NIBAN2: variants seen among roughly 807,000 people sequenced by gnomAD.
NIBAN2 encodes the protein protein Niban 2.
NIBAN2 carries 36 observed loss-of-function variants against 81.8 expected under a neutral mutation model. That is an observed-to-expected ratio of 0.44 (90% CI 0.34 to 0.58). The LOEUF is 0.58. Ranked by LOEUF, NIBAN2 falls within the 20% of genes least tolerant of loss-of-function variation. The pLI is 0.02. For synonymous variants in NIBAN2, 445 were observed against 441.6 expected, an observed-to-expected ratio of 1.01 and a Z score of -0.10; for missense variants, 897 against 1,014.1, an observed-to-expected ratio of 0.88 and a Z score of 1.57.
upstream of NIBAN2, chr9:127,569,180 C>A (rs1350792732): frequency 6.7e-5 from 47 of 703,918 alleles, no homozygotes; most frequent in Non-Finnish European, 8.0e-5. Flanking sequence ...GCCCTGCGCC[C>A]GCCGCGTCCC....
intron 1 of NIBAN2, among the ~76,000 whole-genome samples, chr9:127,554,602 C>T (rs1043343225): frequency 2.8e-5 from 4 of 142,890 alleles, no homozygotes; most frequent in African/African-American, 7.9e-5. Flanking sequence ...GCTCTGTCAC[C>T]CAGGCTGGAG....
intron 8 of NIBAN2, among the ~76,000 whole-genome samples, chr9:127,510,687 G>A (rs373349181): frequency 1.3e-5 from 2 of 151,866 alleles, no homozygotes; most frequent in Non-Finnish European, 2.9e-5. Context: ...CACCCGCCTC[G>A]GCCTCCCAAA....
At chr9:127,546,744 G>A (rs945661469) in intron 1 of NIBAN2, among the ~76,000 whole-genome samples, 2 of 152,152 alleles carry the variant, frequency 1.3e-5, no homozygotes, top group Non-Finnish European at 2.9e-5. Flanking sequence ...AAGGGTTTAT[G>A]TTGCTCTCAC....
chr9:127,578,611 TG>T (rs1362884718), intron 1 of NIBAN2, among the ~76,000 whole-genome samples: 32 of 149,414 alleles, frequency 2.1e-4, no homozygotes, highest in African/African-American at 7.4e-4. Context: ...GCAGTGAGAG[TG>T]AGGCGAGATC....
intron 5 of NIBAN2, among the ~76,000 whole-genome samples, chr9:127,519,000 C>G (rs1182910559): frequency 1.3e-5 from 2 of 151,936 alleles, no homozygotes; most frequent in Non-Finnish European, 2.9e-5. Flanking sequence ...CATGGCAAAA[C>G]CCCATCTCTA....
chr9:127,524,820 C>T (rs1258452810), intron 4 of NIBAN2: 11 of 432,262 alleles, frequency 2.5e-5, no homozygotes, highest in African/African-American at 6.0e-5. Context: ...TAACTCCTGA[C>T]GAACACAGTG....
chr9:127,524,605 C>T (rs1211203549), intron 4 of NIBAN2, among the ~76,000 whole-genome samples: 4 of 152,002 alleles, frequency 2.6e-5, no homozygotes, highest in Non-Finnish European at 5.9e-5. Context: ...GAATGCCGCT[C>T]GAATCCAGGA....
chr9:127,549,160 C>T (rs1588178745), intron 1 of NIBAN2, among the ~76,000 whole-genome samples: 1 of 152,182 alleles, frequency 6.6e-6, no homozygotes, highest in East Asian at 1.9e-4. Context: ...TCACCATGGC[C>T]CAACCCCAAT....
upstream of NIBAN2, among the ~76,000 whole-genome samples, chr9:127,572,902 G>C (rs978741209): frequency 2.6e-5 from 4 of 151,944 alleles, no homozygotes; most frequent in Non-Finnish European, 5.9e-5. Context: ...AAAAAAATTA[G>C]CTGGGCCTGG....
At chr9:127,553,631 C>T (rs1021493829) in intron 1 of NIBAN2, among the ~76,000 whole-genome samples, 1 of 152,228 alleles carries the variant, frequency 6.6e-6, no homozygotes, top group African/African-American at 2.4e-5. Context: ...ATGGGGTCTT[C>T]GTGCTCAGCC....
At chr9:127,528,158 G>A in intron 2 of NIBAN2, among the ~76,000 whole-genome samples, 1 of 152,204 alleles carries the variant, frequency 6.6e-6, no homozygotes, top group Non-Finnish European at 1.5e-5. Context: ...CTCAGCGTCT[G>A]TGACGACCTC....
At chr9:127,532,512 C>G (rs1410674871) in intron 1 of NIBAN2, among the ~76,000 whole-genome samples, 1 of 152,094 alleles carries the variant, frequency 6.6e-6, no homozygotes, top group Non-Finnish European at 1.5e-5. Flanking sequence ...AGGAGAATCA[C>G]TTGAACCTGG....
intron 3 of NIBAN2, among the ~76,000 whole-genome samples, chr9:127,526,398 C>CAAAAAAAAAAAAAAA (rs71495649): frequency 1.1e-5 from 1 of 92,590 alleles, no homozygotes; most frequent in Non-Finnish European, 2.0e-5. Context: ...GACTTCATCT[C>CAAAAAAAAAAAAAAA]AAAAAAAAAA....
At chr9:127,568,626 G>C (rs1380927000) in intron 1 of NIBAN2, among the ~76,000 whole-genome samples, 194 bp downstream of exon 1, 1 of 152,126 alleles carries the variant, frequency 6.6e-6, no homozygotes, top group Non-Finnish European at 1.5e-5. Context: ...GTGGCGCTCA[G>C]AAGAGCGCGG....
chr9:127,520,229 CTTTTT>C (rs61128001), intron 5 of NIBAN2, among the ~76,000 whole-genome samples: 1 of 109,508 alleles, frequency 9.1e-6, no homozygotes, highest in Non-Finnish European at 1.8e-5. Context: ...GACCCAGGGT[CTTTTT>C]TTTTTTTTTT....
In NIBAN2 at chr9:127,559,785, C is replaced by G. The variant is rs1255873722; in HGVS notation, c.55+9035G>C. Among the ~76,000 whole-genome samples the G allele has an allele frequency of 6.6e-6, 1 of 152,176 alleles. No individual in the cohort carries two copies. Among genetic ancestry groups the G allele is most frequent in the Non-Finnish European group, 1.5e-5 (1 of 68,020 alleles). On this transcript the variant is annotated intron_variant, in intron 1 of 13. Transcript: ENST00000373312. The surrounding 1 kb of genome is among the most constrained non-coding windows in gnomAD (Gnocchi z 4.0). ...TGCACGTGGACCCTCTACCCAGCAC[C>G]CTGACCCACACCCGGCACTTCTGAT...
chr9:127,529,099 CAG>C (rs1276639866), intron 2 of NIBAN2, among the ~76,000 whole-genome samples: 4 of 151,906 alleles, frequency 2.6e-5, no homozygotes, highest in Non-Finnish European at 5.9e-5. Flanking sequence ...GGAAATGAAA[CAG>C]AACTCGACAG....
At chr9:127,569,225 A>T (rs964563385), upstream of NIBAN2, 2 of 363,098 alleles carry the variant, frequency 5.5e-6, no homozygotes, top group Non-Finnish European at 7.0e-6. Flanking sequence ...TCGGTCCTGC[A>T]CCCCCCTGCG....
At chr9:127,567,314 G>C (rs370194596) in intron 1 of NIBAN2, among the ~76,000 whole-genome samples, 2 of 152,342 alleles carry the variant, frequency 1.3e-5, no homozygotes, top group African/African-American at 2.4e-5. Flanking sequence ...TGCTGCGACA[G>C]GGAGGGGACA....
Sources: allele counts gnomAD v4.1 joint callset (sites outside exome capture counted in the v4.1 genomes callset), GRCh38; gene constraint gnomAD v4.1.1; non-coding constraint Gnocchi (gnomAD v3.1); transcripts MANE v1.5; gene names NCBI Gene and HGNC (gene_info 2026-07-23, HGNC 2026-07-21).